Variants in COG5 observed in about 807,000 individuals in gnomAD.
The protein encoded by COG5 is conserved oligomeric Golgi complex subunit 5.
In COG5, 86 loss-of-function variants were observed where a neutral mutation model predicts 110.4. That is an observed-to-expected ratio of 0.78 (90% CI 0.65 to 0.93). The LOEUF (loss-of-function observed/expected upper bound fraction) is 0.93. COG5 is among the 40% of genes least tolerant of loss of function. The probability of loss-of-function intolerance (pLI) is 0.00; values close to 1 mark genes in which losing one functional copy is unlikely to be tolerated. For missense variants in COG5, 1,077 were observed against 987.0 expected, an observed-to-expected ratio of 1.09 and a Z score of -1.22; for synonymous variants, 360 against 334.6, an observed-to-expected ratio of 1.08 and a Z score of -0.83.
In COG5 at chr7:107,335,344, C is replaced by T. The variant is rs181688731; in HGVS notation, c.1027-10823G>A. Among the ~76,000 whole-genome samples the T allele has an allele frequency of 2.2e-4, 33 of 152,144 alleles. 1 individual carries two copies. The highest frequency in any genetic ancestry group is 2.1e-3 in the East Asian group (11 of 5,170). ...AGTGGAGGTTGCGGTGAGCTGACAT[C>T]GCACCACTGCACTCCAGCCTGGGCT... On this transcript the variant is annotated intron_variant, in intron 10 of 21. Transcript: ENST00000297135.
intron 14 of COG5, among the ~76,000 whole-genome samples, chr7:107,267,744 A>G (rs1803914704): frequency 6.6e-6 from 1 of 152,112 alleles, no homozygotes; most frequent in Non-Finnish European, 1.5e-5. Flanking sequence ...TAATTAATCA[A>G]TACAATTTAA....
chr7:107,237,427 A>C (rs189760594), intron 17 of COG5, among the ~76,000 whole-genome samples: 1 of 152,384 alleles, frequency 6.6e-6, no homozygotes, highest in African/African-American at 2.4e-5. Context: ...ATATTTTCTA[A>C]TAAATGAGAT....
chr7:107,546,656 G>GA (rs542856023), intron 5 of COG5, among the ~76,000 whole-genome samples: 2 of 148,548 alleles, frequency 1.3e-5, no homozygotes, highest in East Asian at 2.0e-4. Context: ...GCTAGACTAA[G>GA]AAAAAAAAGA....
intron 10 of COG5, among the ~76,000 whole-genome samples, chr7:107,334,268 G>C (rs559960961): frequency 6.8e-6 from 1 of 148,082 alleles, no homozygotes; most frequent in East Asian, 1.9e-4. Context: ...TGAGGCTGGA[G>C]GACATTATGT....
At chr7:107,520,975 T>A (rs1478908697) in intron 6 of COG5, among the ~76,000 whole-genome samples, 1 of 152,054 alleles carries the variant, frequency 6.6e-6, no homozygotes, top group Non-Finnish European at 1.5e-5. Flanking sequence ...AACAGAGACC[T>A]CAGAAATAAC....
At chr7:107,366,084 A>C (rs968347972) in intron 8 of COG5, among the ~76,000 whole-genome samples, 1 of 152,142 alleles carries the variant, frequency 6.6e-6, no homozygotes, top group Non-Finnish European at 1.5e-5. Flanking sequence ...TATATCACCA[A>C]AGAAAGAATA....
At chr7:107,210,692 T>G in intron 20 of COG5, 87 bp from the exon 21 acceptor site, 1 of 1,412,304 alleles carries the variant, frequency 7.1e-7, no homozygotes, top group Non-Finnish European at 9.7e-7. Context: ...CACTCTCAAG[T>G]ATTCCCAAGG....
chr7:107,308,588 C>G (rs1032913787), intron 11 of COG5, among the ~76,000 whole-genome samples: 7 of 151,982 alleles, frequency 4.6e-5, no homozygotes, highest in African/African-American at 1.7e-4. Context: ...TTATTAGAGG[C>G]AATACTTAAA....
At chr7:107,359,507 C>T (rs75478631) in intron 10 of COG5, among the ~76,000 whole-genome samples, 2,186 of 152,204 alleles carry the variant, frequency 0.014, 64 homozygotes, top group African/African-American at 0.047. Flanking sequence ...CAGAAATGGG[C>T]GAGTCCATGG....
chr7:107,234,283 A>G (rs994998680), intron 18 of COG5, among the ~76,000 whole-genome samples: 1 of 152,246 alleles, frequency 6.6e-6, no homozygotes, highest in Non-Finnish European at 1.5e-5. Flanking sequence ...GCCTTTGAGC[A>G]TAAGTTAGTA....
chr7:107,362,410 T>A lies in COG5; in HGVS notation c.846A>T (p.Gly282=), dbSNP rs761457649. Residue 282 remains glycine, a synonymous_variant, in exon 9 of 22, where the codon GGA becomes GGT. Coordinates refer to ENST00000297135, the MANE Select transcript of COG5 (RefSeq NM_006348.5). The stretch of plus-strand genomic sequence containing the variant: ...TTCCTGGGGTTGGCATGGTAGATCG[T>A]CCAGGTCCCCCTGGTTATGAGTGAG... The part of the protein sequence containing the change: ...PSQSAVRGGP[G]RSTMPTPGNT... 7 of 1,612,600 alleles carry A rather than the reference T, an allele frequency of 4.3e-6. No homozygotes were observed. The highest frequency in any genetic ancestry group is 5.9e-6 in the Non-Finnish European group (7 of 1,178,648).
At chr7:107,277,965 A>C (rs1228315874) in intron 14 of COG5, among the ~76,000 whole-genome samples, 2 of 152,208 alleles carry the variant, frequency 1.3e-5, no homozygotes, top group Admixed American at 6.5e-5. Context: ...ATACCCCAGA[A>C]TATTAAAAAT....
At chr7:107,299,418 T>C (rs1807047677) in intron 11 of COG5, among the ~76,000 whole-genome samples, 1 of 152,058 alleles carries the variant, frequency 6.6e-6, no homozygotes, top group South Asian at 2.1e-4. Context: ...TCTGAATAAA[T>C]TTGAAAACTT....
intron 16 of COG5, chr7:107,253,306 T>C (rs1746622721): frequency 6.6e-6 from 1 of 151,990 alleles, no homozygotes; most frequent in South Asian, 2.1e-4. Flanking sequence ...AGAAAGGAGA[T>C]TAGATTATAT....
At chr7:107,466,188 T>C (rs1796285876) in intron 6 of COG5, among the ~76,000 whole-genome samples, 1 of 152,142 alleles carries the variant, frequency 6.6e-6, no homozygotes, top group Non-Finnish European at 1.5e-5. Flanking sequence ...AGAGGGATAG[T>C]AAGCAGTCAA....
chr7:107,318,400 C>G (rs1486543834), intron 11 of COG5, among the ~76,000 whole-genome samples: 1 of 152,104 alleles, frequency 6.6e-6, no homozygotes, highest in Non-Finnish European at 1.5e-5. Context: ...TAAATGTACT[C>G]ATTTAAAGAA....
intron 7 of COG5, among the ~76,000 whole-genome samples, chr7:107,391,899 G>A (rs1224045598): frequency 1.3e-5 from 2 of 152,112 alleles, no homozygotes; most frequent in African/African-American, 4.8e-5. Flanking sequence ...AGACCACCCT[G>A]GCCAACATGG....
At chr7:107,373,312 G>A (rs1441864780) in intron 7 of COG5, among the ~76,000 whole-genome samples, 8 of 152,076 alleles carry the variant, frequency 5.3e-5, no homozygotes, top group Non-Finnish European at 7.4e-5. Context: ...TGTCTTCATG[G>A]AACTTACATT....
chr7:107,298,706 C>G (rs1004389210), intron 11 of COG5, among the ~76,000 whole-genome samples: 1 of 152,190 alleles, frequency 6.6e-6, no homozygotes, highest in Non-Finnish European at 1.5e-5. Context: ...TACATTCACA[C>G]AATACTTCAT....
Sources: gnomAD v4.1 joint callset for allele counts (sites outside exome capture counted in the v4.1 genomes callset) on GRCh38, gnomAD v4.1.1 for gene constraint, MANE v1.5 for transcripts, NCBI Gene and HGNC (gene_info 2026-07-23, HGNC 2026-07-21) for gene names.